PCGF5: variants seen among roughly 807,000 people sequenced by gnomAD.
PCGF5 encodes polycomb group RING finger protein 5.
A neutral mutation model predicts 44.3 loss-of-function variants in PCGF5; 9 were observed. The ratio of observed to expected loss-of-function variants is 0.20; its 90% confidence interval spans 0.12 to 0.35. PCGF5 has a LOEUF of 0.35. Among genes scored for constraint, PCGF5 ranks in the 10% least tolerant of loss-of-function variants. The probability of loss-of-function intolerance (pLI) is 1.00; values close to 1 mark genes in which losing one functional copy is unlikely to be tolerated. For missense variants in PCGF5, 146 were observed against 305.3 expected, an observed-to-expected ratio of 0.48 and a Z score of 3.89; for synonymous variants, 95 against 102.5, an observed-to-expected ratio of 0.93 and a Z score of 0.44.
chr10:91,180,365 C>T (rs961603093), intron 1 of PCGF5, among the ~76,000 whole-genome samples: 1 of 152,172 alleles, frequency 6.6e-6, no homozygotes, highest in Non-Finnish European at 1.5e-5. Context: ...TCCCACTTGT[C>T]AACTTTTGCT....
At chr10:91,245,490 G>T (rs961017864) in intron 3 of PCGF5, among the ~76,000 whole-genome samples, 1 of 151,644 alleles carries the variant, frequency 6.6e-6, no homozygotes, top group East Asian at 1.9e-4. Context: ...GAAATGGGGT[G>T]GGGGGGTGCT....
rs1846512243 is a variant in PCGF5 at position 91,283,930 on chromosome 10, T to C, written c.*5614T>C. 6.6e-6 allele frequency: 1 copy of C among 152,668 alleles called. No individual in the cohort carries two copies. Among genetic ancestry groups the C allele is most frequent in the African/African-American group, 2.4e-5 (1 of 41,464 alleles). The allele number at this position is 152,668 out of a possible 1,614,324, so 9.5% of individuals were successfully genotyped here. A position where few individuals can be genotyped will look rare whatever the true frequency, so the allele number is the denominator to read the frequency against. ...GTTGTAAGATTTAGCTTATAAATCA[T>C]TCAAATTGAAGTGAAAGAATTACCA... On this transcript the variant is annotated 3_prime_UTR_variant, in exon 10 of 10. Coordinates refer to ENST00000336126, the MANE Select transcript of PCGF5 (RefSeq NM_032373.5).
At chr10:91,165,411 T>C (rs1843481691) in intron 1 of PCGF5, among the ~76,000 whole-genome samples, 1 of 152,182 alleles carries the variant, frequency 6.6e-6, no homozygotes, top group Non-Finnish European at 1.5e-5. Flanking sequence ...TACTAATATT[T>C]CCATATCTTC....
chr10:91,233,667 A>G (rs1845072710), intron 2 of PCGF5, among the ~76,000 whole-genome samples: 1 of 152,228 alleles, frequency 6.6e-6, no homozygotes, highest in South Asian at 2.1e-4. Context: ...TTCACGTGTA[A>G]GAATAGGTAT....
chr10:91,244,170 G>GA (rs1845401204), intron 3 of PCGF5, among the ~76,000 whole-genome samples: 2 of 152,230 alleles, frequency 1.3e-5, no homozygotes, highest in Non-Finnish European at 2.9e-5. Context: ...GTGAGGTGAG[G>GA]AGGTCAAGAG....
At chr10:91,276,266 A>C (rs1227434170) in intron 9 of PCGF5, among the ~76,000 whole-genome samples, 2 of 152,242 alleles carry the variant, frequency 1.3e-5, no homozygotes, top group African/African-American at 4.8e-5. Flanking sequence ...GACAAAAATA[A>C]TTCATTCTTT....
At chr10:91,260,692 C>T (rs1845880515) in intron 6 of PCGF5, among the ~76,000 whole-genome samples, 1 of 151,810 alleles carries the variant, frequency 6.6e-6, no homozygotes, top group African/African-American at 2.4e-5. Context: ...CCATCATTCT[C>T]AGCAAACTAT....
intron 8 of PCGF5, among the ~76,000 whole-genome samples, chr10:91,269,510 C>T (rs1169759786): frequency 2.0e-5 from 3 of 152,124 alleles, no homozygotes; most frequent in Non-Finnish European, 4.4e-5. Context: ...GATTAACACA[C>T]CCCTTTGATG....
At chr10:91,192,747 T>C (rs1300375207) in intron 1 of PCGF5, among the ~76,000 whole-genome samples, 1 of 152,110 alleles carries the variant, frequency 6.6e-6, no homozygotes, top group African/African-American at 2.4e-5. Context: ...GGAAAAATTT[T>C]AAAATAGAGC....
intron 2 of PCGF5, among the ~76,000 whole-genome samples, chr10:91,228,428 A>G (rs2133302533): frequency 6.6e-6 from 1 of 152,228 alleles, no homozygotes; most frequent in East Asian, 1.9e-4. Context: ...TGGTACAGAA[A>G]AGGAAAGCTT....
intron 8 of PCGF5, among the ~76,000 whole-genome samples, chr10:91,270,053 C>T (rs1314059561): frequency 6.6e-6 from 1 of 152,164 alleles, no homozygotes; most frequent in Admixed American, 6.5e-5. Context: ...TTATTAATAA[C>T]TTATGCATAT....
chr10:91,195,485 T>TAGAG (rs57633765), intron 1 of PCGF5, among the ~76,000 whole-genome samples: 2,099 of 113,496 alleles, frequency 0.018, 23 homozygotes, highest in Admixed American at 0.027. Flanking sequence ...TATATATATA[T>TAGAG]AGAGAGAGAG....
At chr10:91,245,701 G>A (rs536216341) in intron 3 of PCGF5, among the ~76,000 whole-genome samples, 2 of 152,272 alleles carry the variant, frequency 1.3e-5, no homozygotes, top group South Asian at 2.1e-4. Flanking sequence ...GGCAGACAGC[G>A]AGTACATGGT....
chr10:91,235,170 T>C (rs1589385287), intron 2 of PCGF5, among the ~76,000 whole-genome samples: 1 of 152,200 alleles, frequency 6.6e-6, no homozygotes, highest in African/African-American at 2.4e-5. Context: ...TGTAGAGTTA[T>C]AGTCCTGGTG....
intron 3 of PCGF5, among the ~76,000 whole-genome samples, chr10:91,247,291 T>G (rs1314710696): frequency 1.3e-5 from 2 of 152,136 alleles, no homozygotes; most frequent in Non-Finnish European, 2.9e-5. Context: ...AAATAATTTT[T>G]AAGTTTAAAT....
At chr10:91,171,413 G>A (rs541287123) in intron 1 of PCGF5, among the ~76,000 whole-genome samples, 14 of 152,244 alleles carry the variant, frequency 9.2e-5, no homozygotes, top group Admixed American at 2.6e-4. Flanking sequence ...TTGGGTTTGC[G>A]CAGTGGGGAG....
At chr10:91,167,114 C>A (rs1167750808) in intron 1 of PCGF5, among the ~76,000 whole-genome samples, 1 of 152,140 alleles carries the variant, frequency 6.6e-6, no homozygotes, top group East Asian at 1.9e-4. Flanking sequence ...ACAAAAACTA[C>A]AAAAATGGTT....
At chr10:91,170,586 C>T (rs192363771) in intron 1 of PCGF5, among the ~76,000 whole-genome samples, 29 of 152,276 alleles carry the variant, frequency 1.9e-4, no homozygotes, top group Non-Finnish European at 3.1e-4. Flanking sequence ...TTGAAATGGC[C>T]AAAATTCAGA....
intron 1 of PCGF5, among the ~76,000 whole-genome samples, chr10:91,167,026 A>G (rs773995869): frequency 2.0e-5 from 3 of 152,200 alleles, no homozygotes; most frequent in Admixed American, 6.5e-5. Flanking sequence ...GTCCAGCTCT[A>G]TGGTTTCAGA....
Sources: gnomAD v4.1 joint callset for allele counts (sites outside exome capture counted in the v4.1 genomes callset) on GRCh38, gnomAD v4.1.1 for gene constraint, MANE v1.5 for transcripts, NCBI Gene and HGNC (gene_info 2026-07-23, HGNC 2026-07-21) for gene names.